The following TCF7L1 variants were observed in gnomAD, a reference collection of about 807,000 sequenced individuals.
The protein encoded by TCF7L1 is transcription factor 7-like 1.
Under a neutral mutation model 63.7 loss-of-function variants are expected in TCF7L1, and 18 were observed. The observed-to-expected ratio is 0.28, with a 90% CI of 0.20 to 0.42. The LOEUF (loss-of-function observed/expected upper bound fraction) is 0.42. Among genes scored for constraint, TCF7L1 ranks in the 10% least tolerant of loss-of-function variants. The probability of loss-of-function intolerance (pLI) is 1.00; values close to 1 mark genes in which losing one functional copy is unlikely to be tolerated. For synonymous variants in TCF7L1, 355 were observed against 340.9 expected, an observed-to-expected ratio of 1.04 and a Z score of -0.46; for missense variants, 654 against 779.3, an observed-to-expected ratio of 0.84 and a Z score of 1.91.
chr2:85,256,215 C>G (rs1257394678), intron 3 of TCF7L1, among the ~76,000 whole-genome samples: 1 of 152,190 alleles, frequency 6.6e-6, no homozygotes, highest in Non-Finnish European at 1.5e-5. Context: ...GTCCCCCCCG[C>G]CCCAACCCAG....
chr2:85,180,304 C>T (rs1678776598), intron 3 of TCF7L1, among the ~76,000 whole-genome samples: 1 of 151,392 alleles, frequency 6.6e-6, no homozygotes, highest in Non-Finnish European at 1.5e-5. Flanking sequence ...AGCTCCTGGC[C>T]TCAAGTGATT....
At chr2:85,305,003 C>G (rs1268053467) in intron 7 of TCF7L1, among the ~76,000 whole-genome samples, 1 of 152,172 alleles carries the variant, frequency 6.6e-6, no homozygotes, top group African/African-American at 2.4e-5. Context: ...CTCTGACCCT[C>G]CTCCCCTTTT....
intron 3 of TCF7L1, among the ~76,000 whole-genome samples, chr2:85,213,046 G>C (rs1425815442): frequency 6.6e-6 from 1 of 151,924 alleles, no homozygotes; most frequent in African/African-American, 2.4e-5. Flanking sequence ...GGGGTGAGAA[G>C]GGGTTGTGCA....
intron 3 of TCF7L1, among the ~76,000 whole-genome samples, chr2:85,271,713 C>T (rs1031204374): frequency 6.6e-6 from 1 of 152,092 alleles, no homozygotes; most frequent in East Asian, 1.9e-4. Context: ...TAAACAGCCA[C>T]CTTTTATATG....
At chr2:85,183,701 T>C (rs1678854710) in intron 3 of TCF7L1, among the ~76,000 whole-genome samples, 4 of 152,184 alleles carry the variant, frequency 2.6e-5, no homozygotes, top group Admixed American at 2.0e-4. Flanking sequence ...AGAACATGAC[T>C]CCAGGCTGTT....
At chr2:85,267,522 A>T (rs1272236220) in intron 3 of TCF7L1, among the ~76,000 whole-genome samples, 3 of 150,168 alleles carry the variant, frequency 2.0e-5, no homozygotes, top group African/African-American at 2.5e-5. Flanking sequence ...GGTGGCGCAC[A>T]CCTGTAATCC....
chr2:85,292,766 C>T (rs1027450005), intron 4 of TCF7L1, among the ~76,000 whole-genome samples: 4 of 152,074 alleles, frequency 2.6e-5, no homozygotes, highest in African/African-American at 7.2e-5. Context: ...CTTATAGAGA[C>T]GGGGTTTCGG....
At chr2:85,248,766 A>G (rs1404783542) in intron 3 of TCF7L1, among the ~76,000 whole-genome samples, 1 of 152,220 alleles carries the variant, frequency 6.6e-6, no homozygotes, top group Non-Finnish European at 1.5e-5. Flanking sequence ...TGCCAATAAC[A>G]GAGGCAGCTC....
chr2:85,242,996 CT>C (rs562837031), intron 3 of TCF7L1, among the ~76,000 whole-genome samples: 71 of 152,276 alleles, frequency 4.7e-4, no homozygotes, highest in African/African-American at 1.7e-3. Context: ...GCACCGACAT[CT>C]TGGCACATAG....
At chr2:85,294,006 G>C (rs1485892220) in intron 4 of TCF7L1, among the ~76,000 whole-genome samples, 1 of 143,604 alleles carries the variant, frequency 7.0e-6, no homozygotes, top group East Asian at 2.2e-4. Context: ...ATGGAATTTA[G>C]GTGTGGCCTG....
At chr2:85,160,951 C>T (rs1165651387) in intron 3 of TCF7L1, among the ~76,000 whole-genome samples, 3 of 152,224 alleles carry the variant, frequency 2.0e-5, no homozygotes, top group African/African-American at 7.2e-5. Flanking sequence ...TGGTGTAAAA[C>T]AGGGGTGGCT....
intron 3 of TCF7L1, among the ~76,000 whole-genome samples, chr2:85,202,633 G>C (rs1679296480): frequency 6.6e-6 from 1 of 152,152 alleles, no homozygotes; most frequent in Non-Finnish European, 1.5e-5. Flanking sequence ...GTGTTAGGCA[G>C]ATTTTATCAC....
chr2:85,215,557 T>C (rs1247899189), intron 3 of TCF7L1, among the ~76,000 whole-genome samples: 3 of 152,176 alleles, frequency 2.0e-5, no homozygotes, highest in African/African-American at 7.2e-5. Context: ...GCCAACAGTG[T>C]ACCCACGTTG....
chr2:85,234,236 G>A (rs7588165), intron 3 of TCF7L1, among the ~76,000 whole-genome samples: 24,356 of 148,662 alleles, frequency 0.16, 2,824 homozygotes, highest in African/African-American at 0.33. Context: ...CCCAGGTTCA[G>A]GCGATTCTCC....
intron 3 of TCF7L1, among the ~76,000 whole-genome samples, chr2:85,150,371 C>G (rs1677980567): frequency 6.6e-6 from 1 of 151,972 alleles, no homozygotes; most frequent in Admixed American, 6.6e-5. Flanking sequence ...GTAGCTGAGA[C>G]TACAGGCGCC....
Position 85,277,662 on chromosome 2 carries a change from A to G in TCF7L1, c.442-5833A>G, listed in dbSNP as rs1681306883. Among the ~76,000 whole-genome samples, 5 of 152,194 alleles carry G rather than the reference A, an allele frequency of 3.3e-5. No homozygotes were observed. In the South Asian group the frequency reaches 1.0e-3, roughly 31 times the overall value. ...GGAGCAAGGGGCGCTTTCTCTGCCT[A>G]CTGGGCCTTTCCTCTAGAAGCAGCG... On this transcript the variant is annotated intron_variant, in intron 3 of 11. Transcript: ENST00000282111.
intron 3 of TCF7L1, among the ~76,000 whole-genome samples, chr2:85,216,287 A>G (rs565885987): frequency 6.6e-6 from 1 of 152,014 alleles, no homozygotes; most frequent in African/African-American, 2.4e-5. Context: ...CCCACCCTGC[A>G]TTACTTGACT....
intron 3 of TCF7L1, chr2:85,233,123 G>C (rs992737310): frequency 6.6e-6 from 1 of 151,928 alleles, no homozygotes; most frequent in African/African-American, 2.4e-5. Flanking sequence ...TTGTAGAGAA[G>C]AGGTCTCCCT....
intron 3 of TCF7L1, among the ~76,000 whole-genome samples, chr2:85,248,494 G>GAT (rs2104332539): frequency 6.6e-6 from 1 of 152,286 alleles, no homozygotes; most frequent in African/African-American, 2.4e-5. Context: ...GCCCCCAGGA[G>GAT]GCTGTTTCCA....
Sources: allele counts gnomAD v4.1 joint callset (sites outside exome capture counted in the v4.1 genomes callset), GRCh38; gene constraint gnomAD v4.1.1; transcripts MANE v1.5; gene names NCBI Gene and HGNC (gene_info 2026-07-23, HGNC 2026-07-21).